The following IL1RAPL2 variants were observed in gnomAD, a reference collection of about 807,000 sequenced individuals.
IL1RAPL2 encodes interleukin 1 receptor accessory protein like 2.
A neutral mutation model predicts 44.1 loss-of-function variants in IL1RAPL2; 3 were observed. The ratio of observed to expected loss-of-function variants is 0.07; its 90% CI spans 0.03 to 0.18. The LOEUF (loss-of-function observed/expected upper bound fraction) is 0.18, where lower values mean the gene tolerates loss of function less well. IL1RAPL2 is among the 10% of genes least tolerant of loss of function. IL1RAPL2 has a pLI of 1.00. For synonymous variants in IL1RAPL2, 181 were observed against 178.8 expected, an observed-to-expected ratio of 1.01 and a Z score of -0.10; for missense variants, 391 against 496.4, an observed-to-expected ratio of 0.79 and a Z score of 2.02.
chrX:105,526,528 A>G (rs1362987908), intron 6 of IL1RAPL2, among the ~76,000 whole-genome samples: 1 of 111,884 alleles, frequency 8.9e-6, no homozygotes, highest in Non-Finnish European at 1.9e-5. Context: ...AATATTTAAT[A>G]TTGAACAAAG....
intron 5 of IL1RAPL2, among the ~76,000 whole-genome samples, chrX:105,370,926 T>C (rs921139839): frequency 8.9e-6 from 1 of 112,341 alleles, no homozygotes; most frequent in Admixed American, 9.4e-5. Context: ...TTTTTAATAA[T>C]AGTCATTCTG....
chrX:105,740,211 A>G (rs891254290), intron 7 of IL1RAPL2, among the ~76,000 whole-genome samples: 1 of 111,795 alleles, frequency 8.9e-6, no homozygotes, highest in Non-Finnish European at 1.9e-5. Context: ...AAAATTAATG[A>G]ATCCAGGAGC....
intron 6 of IL1RAPL2, among the ~76,000 whole-genome samples, chrX:105,570,985 C>T (rs1410927242): frequency 1.8e-5 from 2 of 111,489 alleles, no homozygotes; most frequent in Non-Finnish European, 3.8e-5. Context: ...ACTTTAGAAC[C>T]AAAAATTCAC....
intron 2 of IL1RAPL2, among the ~76,000 whole-genome samples, chrX:105,032,214 GTC>G (rs984139418): frequency 9.1e-6 from 1 of 109,645 alleles, no homozygotes; most frequent in African/African-American, 3.3e-5. Flanking sequence ...GGTTTTTTGT[GTC>G]TCTATTTCCT....
At chrX:105,260,046 T>C in intron 4 of IL1RAPL2, among the ~76,000 whole-genome samples, 1 of 112,400 alleles carries the variant, frequency 8.9e-6, no homozygotes, top group South Asian at 3.7e-4. Context: ...GATATGGACC[T>C]GTTGCTAGCC....
chrX:104,675,530 A>G (rs1310033273), intron 2 of IL1RAPL2, among the ~76,000 whole-genome samples: 7 of 111,100 alleles, frequency 6.3e-5, no homozygotes, highest in South Asian at 7.7e-4. Context: ...TATGTGGTCA[A>G]TTTTGGTATA....
At chrX:105,554,093 A>G (rs1193589986) in intron 6 of IL1RAPL2, among the ~76,000 whole-genome samples, 1 of 112,525 alleles carries the variant, frequency 8.9e-6, no homozygotes, top group African/African-American at 3.2e-5. Context: ...CCCACACTCC[A>G]GGGCCTATTC....
At chrX:104,739,317 T>C (rs1165012220) in intron 2 of IL1RAPL2, among the ~76,000 whole-genome samples, 1 of 112,278 alleles carries the variant, frequency 8.9e-6, no homozygotes, top group Non-Finnish European at 1.9e-5. Context: ...TGGATTTTAT[T>C]TATTTTTAAA....
intron 1 of IL1RAPL2, among the ~76,000 whole-genome samples, chrX:104,614,782 TTC>T (rs746778354): frequency 8.9e-6 from 1 of 112,132 alleles, no homozygotes; most frequent in Non-Finnish European, 1.9e-5. Context: ...TTGGTTTAAA[TTC>T]TGTTTTATCT....
intron 2 of IL1RAPL2, among the ~76,000 whole-genome samples, chrX:105,067,296 C>T (rs1346516756): frequency 9.0e-6 from 1 of 110,776 alleles, no homozygotes; most frequent in East Asian, 2.9e-4. Context: ...TTTCCATCTC[C>T]TTTCCACCTA....
chrX:105,074,092 T>G (rs1258758720), intron 2 of IL1RAPL2, among the ~76,000 whole-genome samples: 1 of 111,700 alleles, frequency 9.0e-6, no homozygotes, highest in African/African-American at 3.3e-5. Flanking sequence ...TTGCTTTTGG[T>G]GTTTTAGACA....
intron 4 of IL1RAPL2, among the ~76,000 whole-genome samples, chrX:105,235,974 T>C (rs1556201269): frequency 8.9e-6 from 1 of 112,371 alleles, no homozygotes; most frequent in Non-Finnish European, 1.9e-5. Flanking sequence ...TCTCCGGCAA[T>C]GGGCCTGGGA....
chrX:104,651,572 G>C (rs943300979), intron 1 of IL1RAPL2, among the ~76,000 whole-genome samples: 1 of 111,651 alleles, frequency 9.0e-6, no homozygotes, highest in Non-Finnish European at 1.9e-5. Context: ...GACAGAAATC[G>C]TGAAGGTACA....
chrX:105,478,333 AC>A (rs1256868565), intron 5 of IL1RAPL2, among the ~76,000 whole-genome samples: 1 of 110,963 alleles, frequency 9.0e-6, no homozygotes, highest in Non-Finnish European at 1.9e-5. Flanking sequence ...ACAGTCACCT[AC>A]AACAAAGAAT....
chrX:104,786,546 C>T (rs948102011), intron 2 of IL1RAPL2, among the ~76,000 whole-genome samples: 1 of 111,724 alleles, frequency 9.0e-6, no homozygotes, highest in African/African-American at 3.3e-5. Context: ...GGTCATATAG[C>T]TGGGCAATGT....
At chrX:104,594,056 C>A (rs1308537311) in intron 1 of IL1RAPL2, among the ~76,000 whole-genome samples, 1 of 112,159 alleles carries the variant, frequency 8.9e-6, no homozygotes, top group East Asian at 2.8e-4. Context: ...GCCTTCCCCC[C>A]AACAAATACT....
intron 2 of IL1RAPL2, among the ~76,000 whole-genome samples, chrX:104,827,564 C>T (rs748623815): frequency 5.9e-4 from 65 of 111,107 alleles, no homozygotes; most frequent in Non-Finnish European, 1.2e-3. Context: ...AACATTTTTT[C>T]CTTCATTTCG....
At chrX:104,878,062 C>A (rs1406364380) in intron 2 of IL1RAPL2, among the ~76,000 whole-genome samples, 1 of 111,800 alleles carries the variant, frequency 8.9e-6, no homozygotes, top group Non-Finnish European at 1.9e-5. Context: ...ACTTCCCTTA[C>A]TGATACTTCA....
At chrX:105,178,425 C>T (rs964174062) in intron 2 of IL1RAPL2, among the ~76,000 whole-genome samples, 1 of 112,214 alleles carries the variant, frequency 8.9e-6, no homozygotes, top group African/African-American at 3.2e-5. Context: ...AATAGTGCTG[C>T]AATTTACATA....
Sources: allele counts gnomAD v4.1 joint callset (sites outside exome capture counted in the v4.1 genomes callset), GRCh38; gene constraint gnomAD v4.1.1; transcripts MANE v1.5; gene names NCBI Gene and HGNC (gene_info 2026-07-23, HGNC 2026-07-21).